Variants in MAPK10 observed in about 807,000 individuals in gnomAD.
MAPK10 encodes mitogen-activated protein kinase 10.
Under a neutral mutation model 59.3 loss-of-function variants are expected in MAPK10, and 25 were observed. That is an observed-to-expected ratio of 0.42 (90% CI 0.31 to 0.59). The LOEUF is 0.59. MAPK10 is among the 20% of genes least tolerant of loss of function. The pLI is 0.15. For synonymous variants in MAPK10, 190 were observed against 200.5 expected (o/e 0.95, Z 0.44); for missense variants, 351 against 568.9 (o/e 0.62, Z 3.90).
At chr4:86,427,891 C>T (rs1300870510) in intron 1 of MAPK10, among the ~76,000 whole-genome samples, 2 of 152,200 alleles carry the variant, frequency 1.3e-5, no homozygotes. Context: ...CACACCTTCT[C>T]ATCTTGAAAA....
chr4:86,570,643 T>G (rs988033684), intron 1 of MAPK10, among the ~76,000 whole-genome samples: 1 of 152,146 alleles, frequency 6.6e-6, no homozygotes, highest in Non-Finnish European at 1.5e-5. Flanking sequence ...ATAATTATAA[T>G]TTGGTAAATA....
intron 3 of MAPK10, chr4:86,191,475 C>T (rs1348763413): frequency 1.3e-5 from 2 of 148,648 alleles, no homozygotes; most frequent in Non-Finnish European, 1.5e-5. Flanking sequence ...CTTCTTGTTG[C>T]ATTGACCCCT....
At chr4:86,190,172 C>T (rs1391139179) in intron 3 of MAPK10, among the ~76,000 whole-genome samples, 1 of 152,128 alleles carries the variant, frequency 6.6e-6, no homozygotes, top group Non-Finnish European at 1.5e-5. Context: ...AGGATTTTTA[C>T]ATTGATGTTC....
intron 1 of MAPK10, among the ~76,000 whole-genome samples, chr4:86,575,969 GTAACA>G (rs1761853321): frequency 2.0e-5 from 3 of 150,768 alleles, no homozygotes; most frequent in South Asian, 4.2e-4. Context: ...TGTATGCTAG[GTAACA>G]TAACATAATA....
At chr4:86,188,510 T>G (rs1224156804) in intron 3 of MAPK10, among the ~76,000 whole-genome samples, 6 of 152,250 alleles carry the variant, frequency 3.9e-5, no homozygotes, top group Admixed American at 6.5e-5. Flanking sequence ...ATGAAGAGCT[T>G]TTTTTCATAT....
intron 4 of MAPK10, among the ~76,000 whole-genome samples, chr4:86,134,294 T>A (rs2061505089): frequency 6.6e-6 from 1 of 152,208 alleles, no homozygotes; most frequent in Admixed American, 6.5e-5. Context: ...ATTCCCTTCC[T>A]ATGTATATTT....
At chr4:86,209,148 A>G (rs1362111750) in intron 2 of MAPK10, among the ~76,000 whole-genome samples, 1 of 152,092 alleles carries the variant, frequency 6.6e-6, no homozygotes, top group Non-Finnish European at 1.5e-5. Context: ...TTAATAGCAA[A>G]AAGTCAACAA....
chr4:86,342,249 T>TA (rs1725427020), intron 2 of MAPK10, among the ~76,000 whole-genome samples: 1 of 152,170 alleles, frequency 6.6e-6, no homozygotes. Context: ...CAAATACTGT[T>TA]AAAATGACTT....
chr4:86,481,687 A>G (rs1753625983), intron 1 of MAPK10, among the ~76,000 whole-genome samples: 2 of 152,158 alleles, frequency 1.3e-5, no homozygotes, highest in Non-Finnish European at 1.5e-5. Context: ...CACTTAGTCC[A>G]TTACAATGAA....
chr4:86,419,811 G>T (rs145509747), intron 1 of MAPK10, among the ~76,000 whole-genome samples: 24 of 152,206 alleles, frequency 1.6e-4, no homozygotes, highest in African/African-American at 5.5e-4. Context: ...TAATATCCAT[G>T]ACAGTAAATT....
At chr4:86,356,664 A>G (rs1340929621) in intron 1 of MAPK10, 1 of 152,752 alleles carries the variant, frequency 6.5e-6, no homozygotes, top group East Asian at 1.9e-4. Context: ...GCAAACACGT[A>G]CAGGTTTCTG....
intron 4 of MAPK10, among the ~76,000 whole-genome samples, chr4:86,116,188 T>C (rs2058268341): frequency 6.6e-6 from 1 of 152,154 alleles, no homozygotes; most frequent in African/African-American, 2.4e-5. Flanking sequence ...AGAGGCAAAC[T>C]CTGGCACTTC....
chr4:86,255,619 C>T (rs1483285065), intron 2 of MAPK10, among the ~76,000 whole-genome samples: 10 of 151,524 alleles, frequency 6.6e-5, no homozygotes, highest in Admixed American at 2.0e-4. Flanking sequence ...CTATATTGAA[C>T]GTTTTTTTAA....
chr4:86,427,828 A>C (rs1334777521), intron 1 of MAPK10, among the ~76,000 whole-genome samples: 1 of 152,208 alleles, frequency 6.6e-6, no homozygotes, highest in Non-Finnish European at 1.5e-5. Context: ...CAGAAGATAT[A>C]ATTTTTCCCT....
At chr4:86,411,153 T>A (rs1745122415) in intron 1 of MAPK10, among the ~76,000 whole-genome samples, 1 of 152,248 alleles carries the variant, frequency 6.6e-6, no homozygotes, top group South Asian at 2.1e-4. Context: ...TTAATTTTGT[T>A]GTTTACCCAG....
intron 1 of MAPK10, among the ~76,000 whole-genome samples, chr4:86,410,023 G>T (rs771313203): frequency 3.9e-5 from 6 of 152,048 alleles, no homozygotes; most frequent in Non-Finnish European, 5.9e-5. Context: ...ATTCAGTATG[G>T]TATTGGCTGT....
At chr4:86,573,555 T>A (rs774428155) in intron 1 of MAPK10, among the ~76,000 whole-genome samples, 1 of 152,200 alleles carries the variant, frequency 6.6e-6, no homozygotes, top group Non-Finnish European at 1.5e-5. Context: ...TGTTTTAAAA[T>A]CATTTTGCTT....
intron 1 of MAPK10, among the ~76,000 whole-genome samples, chr4:86,421,151 G>A (rs1746493231): frequency 6.6e-6 from 1 of 152,052 alleles, no homozygotes; most frequent in South Asian, 2.1e-4. Context: ...GTGTGTGCAT[G>A]TGTTTACTTA....
intron 2 of MAPK10, among the ~76,000 whole-genome samples, chr4:86,206,183 T>G (rs2083867157): frequency 6.6e-6 from 1 of 151,860 alleles, no homozygotes; most frequent in Non-Finnish European, 1.5e-5. Context: ...CTCCTAATGC[T>G]ATCCCTCCCC....
Sources: gnomAD v4.1 joint callset for allele counts (sites outside exome capture counted in the v4.1 genomes callset) on GRCh38, gnomAD v4.1.1 for gene constraint, MANE v1.5 for transcripts, NCBI Gene and HGNC (gene_info 2026-07-23, HGNC 2026-07-21) for gene names.